Variants in CCDC146 observed in about 807,000 individuals in gnomAD.
The protein encoded by CCDC146 is coiled-coil domain containing 146, also known as coiled-coil domain-containing protein 146.
In CCDC146, 92 loss-of-function variants were observed where a neutral mutation model predicts 119.3. That is an observed-to-expected ratio of 0.77 (90% confidence interval 0.65 to 0.92). The LOEUF (loss-of-function observed/expected upper bound fraction) is 0.92, where lower values mean the gene tolerates loss of function less well. Among genes scored for constraint, CCDC146 ranks in the 40% least tolerant of loss-of-function variants. CCDC146 has a pLI of 0.00. For missense variants in CCDC146, 1,000 were observed against 1,103.0 expected, an observed-to-expected ratio of 0.91 and a Z score of 1.32; for synonymous variants, 372 against 371.8, an observed-to-expected ratio of 1.00 and a Z score of -0.01.
chr7:77,173,764 T>A, intron 2 of CCDC146, among the ~76,000 whole-genome samples: 1 of 151,856 alleles, frequency 6.6e-6, no homozygotes, highest in Non-Finnish European at 1.5e-5. Flanking sequence ...ACTCCAGACT[T>A]TTTTTTGTCC....
At chr7:77,237,177 A>G (rs770421062) in intron 3 of CCDC146, 148 bp downstream of exon 3, 2 of 643,460 alleles carry the variant, frequency 3.1e-6, no homozygotes, top group Non-Finnish European at 5.6e-6. Context: ...ACGAGAAAGC[A>G]TCGTGAGAGA....
At chr7:77,216,720 C>A (rs1045004736) in intron 2 of CCDC146, among the ~76,000 whole-genome samples, 2 of 152,256 alleles carry the variant, frequency 1.3e-5, no homozygotes, top group East Asian at 3.9e-4. Context: ...TTGGCTCAAA[C>A]CTTTGCTAAA....
chr7:77,166,670 G>C (rs906242010), intron 1 of CCDC146, among the ~76,000 whole-genome samples: 2 of 151,958 alleles, frequency 1.3e-5, no homozygotes, highest in South Asian at 4.1e-4. Context: ...TGCTATTCAC[G>C]TATTACTATT....
At chr7:77,199,665 T>C in intron 2 of CCDC146, 3 of 1,614,238 alleles carry the variant, frequency 1.9e-6, no homozygotes, top group Non-Finnish European at 2.5e-6. Flanking sequence ...CTCTGCTTTC[T>C]AGTCTCACTG....
chr7:77,188,894 AGGGTGGAT>A (rs968134385), intron 2 of CCDC146, among the ~76,000 whole-genome samples: 9 of 152,154 alleles, frequency 5.9e-5, no homozygotes, highest in Admixed American at 1.3e-4. Context: ...ACATCATTAC[AGGGTGGAT>A]GGGTGGGATG....
chr7:77,135,734 T>C (rs1790852464), intron 1 of CCDC146, among the ~76,000 whole-genome samples: 1 of 152,094 alleles, frequency 6.6e-6, no homozygotes, highest in Admixed American at 6.5e-5. Context: ...TCAGAGTGGA[T>C]GAAAAAAACA....
intron 2 of CCDC146, among the ~76,000 whole-genome samples, chr7:77,200,413 T>A (rs1223787641): frequency 6.6e-6 from 1 of 152,266 alleles, no homozygotes; most frequent in Non-Finnish European, 1.5e-5. Flanking sequence ...AAAAAAGTGC[T>A]ACTTTCTATT....
chr7:77,220,819 G>C (rs1792390395), intron 2 of CCDC146, among the ~76,000 whole-genome samples: 1 of 152,190 alleles, frequency 6.6e-6, no homozygotes, highest in Non-Finnish European at 1.5e-5. Context: ...GCTGAGTTGT[G>C]TGTTGTTGGA....
chr7:77,269,226 C>G (rs1432816601), intron 9 of CCDC146, among the ~76,000 whole-genome samples: 1 of 152,110 alleles, frequency 6.6e-6, no homozygotes, highest in African/African-American at 2.4e-5. Flanking sequence ...AACCCTTCTA[C>G]TCTTTCATTA....
chr7:77,129,554 A>G (rs960908503), intron 1 of CCDC146, among the ~76,000 whole-genome samples: 1 of 152,064 alleles, frequency 6.6e-6, no homozygotes, highest in Non-Finnish European at 1.5e-5. Context: ...CATAGTGTAT[A>G]TAGAGTTTGG....
intron 2 of CCDC146, among the ~76,000 whole-genome samples, chr7:77,184,487 A>C (rs994267866): frequency 1.3e-5 from 2 of 152,326 alleles, no homozygotes; most frequent in East Asian, 1.9e-4. Flanking sequence ...ATAGGATAGA[A>C]ATTTAAAAGT....
chr7:77,150,187 A>C (rs934164348), intron 1 of CCDC146, among the ~76,000 whole-genome samples: 1 of 152,142 alleles, frequency 6.6e-6, no homozygotes, highest in Non-Finnish European at 1.5e-5. Flanking sequence ...TTTATAAAAT[A>C]TAAAAAGTGT....
intron 2 of CCDC146, among the ~76,000 whole-genome samples, chr7:77,188,492 GT>G (rs1160431532): frequency 6.6e-6 from 1 of 152,090 alleles, no homozygotes; most frequent in African/African-American, 2.4e-5. Flanking sequence ...AAATGAAAAG[GT>G]TTTTCGATCT....
intron 4 of CCDC146, among the ~76,000 whole-genome samples, chr7:77,247,213 T>C (rs769765919): frequency 2.0e-5 from 3 of 152,086 alleles, no homozygotes; most frequent in African/African-American, 4.8e-5. Flanking sequence ...AAAAGAAAAA[T>C]GTATCATAGA....
chr7:77,191,725 G>T lies in CCDC146; in HGVS notation c.156+23901G>T, dbSNP rs191640395. On this transcript the variant is annotated intron_variant, in intron 2 of 18. Coordinates refer to ENST00000285871, the MANE Select transcript of CCDC146 (RefSeq NM_020879.3). ...AGATCGAGACCATCCTGGCTAACAC[G>T]GTGAAACCCAGTCTCTACTAAAAAT... 9.8e-3 allele frequency among the ~76,000 whole-genome samples: 1,490 copies of T among 151,972 alleles called. 16 individuals carry two copies. The highest frequency in any genetic ancestry group is 0.013 in the Non-Finnish European group (857 of 67,948).
intron 14 of CCDC146, 38 bp downstream of exon 14, chr7:77,280,691 A>C (rs769493391): frequency 1.4e-6 from 2 of 1,401,370 alleles, no homozygotes; most frequent in Non-Finnish European, 2.0e-6. Context: ...CCAGGGATCC[A>C]ACTGAGGAAT....
In CCDC146 at chr7:77,126,331, A is replaced by G. The variant is rs1490412184; in HGVS notation, c.-12+3599A>G. 3.3e-5 allele frequency among the ~76,000 whole-genome samples: 5 copies of G among 152,026 alleles called. No homozygotes were observed. In the South Asian group the frequency reaches 6.2e-4, roughly 19 times the overall value. On this transcript the variant is annotated intron_variant, in intron 1 of 18. Coordinates refer to ENST00000285871, the MANE Select transcript of CCDC146 (RefSeq NM_020879.3). ...ATTGTCAGGGAGTTTTGGGTTGTCA[A>G]TTTCCTGGCCAGAAACCTCTGTGGC...
chr7:77,126,792 A>G (rs1790694995), intron 1 of CCDC146, among the ~76,000 whole-genome samples: 1 of 152,046 alleles, frequency 6.6e-6, no homozygotes, highest in Non-Finnish European at 1.5e-5. Flanking sequence ...GAGGAAGTGC[A>G]TGCTGATTGG....
At chr7:77,245,026 T>C (rs1792922155) in intron 4 of CCDC146, among the ~76,000 whole-genome samples, 1 of 152,216 alleles carries the variant, frequency 6.6e-6, no homozygotes, top group African/African-American at 2.4e-5. Flanking sequence ...AACAACTTAT[T>C]TTTCAAATAC....
Sources: gnomAD v4.1 joint callset for allele counts (sites outside exome capture counted in the v4.1 genomes callset) on GRCh38, gnomAD v4.1.1 for gene constraint, MANE v1.5 for transcripts, NCBI Gene and HGNC (gene_info 2026-07-23, HGNC 2026-07-21) for gene names.